ATF1: variants seen among roughly 807,000 people sequenced by gnomAD.
The protein encoded by ATF1 is cyclic AMP-dependent transcription factor ATF-1.
Under a neutral mutation model 34.7 loss-of-function variants are expected in ATF1, and 16 were observed. The ratio of observed to expected loss-of-function variants is 0.46; its 90% CI spans 0.31 to 0.70. The LOEUF (loss-of-function observed/expected upper bound fraction) is 0.70. Among genes scored for constraint, ATF1 ranks in the 30% least tolerant of loss-of-function variants. The pLI, the probability that ATF1 is intolerant of heterozygous loss-of-function variation, is 0.05. For missense variants in ATF1, 255 were observed against 321.6 expected (o/e 0.79, Z 1.58); for synonymous variants, 105 against 113.1 (o/e 0.93, Z 0.46).
At chr12:50,773,728 T>A (rs919437081) in intron 1 of ATF1, among the ~76,000 whole-genome samples, 2 of 152,062 alleles carry the variant, frequency 1.3e-5, no homozygotes, top group African/African-American at 4.8e-5. Context: ...TAGCTGGGAC[T>A]ACAGGTGCCC....
At position 50,795,461 on chromosome 12, in the gene ATF1, T is replaced by A. The variant is rs7303506; in HGVS notation, c.94-448T>A. Reference sequence around the variant, plus strand: ...AAAATTTATGTATCTAGCCCAGACCTCTTCCCAGACCTACAGGCTTGTATA... The same window carrying A: ...AAAATTTATGTATCTAGCCCAGACCACTTCCCAGACCTACAGGCTTGTATA... On this transcript the variant is annotated intron_variant, in intron 2 of 6. Transcript: ENST00000262053. 9.6e-3 allele frequency among the ~76,000 whole-genome samples: 1,455 copies of A among 152,302 alleles called. 22 individuals are homozygous for A. The highest frequency in any genetic ancestry group is 0.033 in the African/African-American group (1,390 of 41,566).
At chr12:50,817,675 T>A (rs1050947799) in intron 6 of ATF1, among the ~76,000 whole-genome samples, 1 of 152,132 alleles carries the variant, frequency 6.6e-6, no homozygotes, top group Non-Finnish European at 1.5e-5. Flanking sequence ...TAAAGAAACT[T>A]AAAAATAAGT....
chr12:50,770,320 A>T (rs1565898019), intron 1 of ATF1, among the ~76,000 whole-genome samples: 1 of 152,200 alleles, frequency 6.6e-6, no homozygotes, highest in Non-Finnish European at 1.5e-5. Context: ...TGTAGAGCCA[A>T]TAAAAGCCCT....
intron 2 of ATF1, among the ~76,000 whole-genome samples, chr12:50,784,236 T>C (rs1941135220): frequency 6.6e-6 from 1 of 152,132 alleles, no homozygotes; most frequent in Admixed American, 6.6e-5. Flanking sequence ...GATATAGCAG[T>C]GAACAAAATT....
intron 2 of ATF1, among the ~76,000 whole-genome samples, chr12:50,787,548 C>T (rs1941209963): frequency 6.6e-6 from 1 of 151,500 alleles, no homozygotes; most frequent in Admixed American, 6.6e-5. Context: ...GCCTGGGCAA[C>T]ATGGCAAGCC....
chr12:50,807,391 G>A (rs528624515), intron 3 of ATF1, among the ~76,000 whole-genome samples: 5 of 152,076 alleles, frequency 3.3e-5, no homozygotes, highest in Admixed American at 2.0e-4. Context: ...GCAACAGAGT[G>A]AGGCTCTGTC....
intron 1 of ATF1, among the ~76,000 whole-genome samples, chr12:50,769,401 G>A (rs779024447): frequency 6.6e-6 from 1 of 152,014 alleles, no homozygotes; most frequent in Non-Finnish European, 1.5e-5. Context: ...AGCTACTCGA[G>A]GCTGAGGCAG....
At position 50,818,580 on chromosome 12, in the gene ATF1, G is replaced by A. The variant is rs537720584; in HGVS notation, c.672-1055G>A. On this transcript the variant is annotated intron_variant, in intron 6 of 6. Transcript: ENST00000262053. Reference sequence around the variant, plus strand: ...GTTGCAAATAGTATCTACATATATAGCATAAAAATCTTAAAATAGTACTGT... The same window carrying A: ...GTTGCAAATAGTATCTACATATATAACATAAAAATCTTAAAATAGTACTGT... Among the ~76,000 whole-genome samples, 5 of 152,176 alleles carry A rather than the reference G, an allele frequency of 3.3e-5. No homozygotes were observed. The South Asian group carries it at 1.0e-3, about 32-fold the overall frequency.
chr12:50,804,660 T>G (rs1941579501), intron 3 of ATF1, among the ~76,000 whole-genome samples: 1 of 152,076 alleles, frequency 6.6e-6, no homozygotes, highest in African/African-American at 2.4e-5. Context: ...AAAAAGAAAC[T>G]AACAGAACTG....
chr12:50,781,693 C>T (rs987507094), intron 2 of ATF1, among the ~76,000 whole-genome samples: 2 of 152,032 alleles, frequency 1.3e-5, no homozygotes, highest in Non-Finnish European at 2.9e-5. Context: ...TCAGGTGATC[C>T]ACCCACCTCA....
At chr12:50,813,883 C>T in intron 4 of ATF1, 127 bp from the exon 5 acceptor site, 1 of 824,140 alleles carries the variant, frequency 1.2e-6, no homozygotes, top group Non-Finnish European at 1.9e-6. Context: ...GTAAAGTAGT[C>T]TGCAGTTACC....
At chr12:50,765,843 T>C (rs1940619903) in intron 1 of ATF1, among the ~76,000 whole-genome samples, 1 of 152,194 alleles carries the variant, frequency 6.6e-6, no homozygotes, top group Non-Finnish European at 1.5e-5. Flanking sequence ...CCCTATATGG[T>C]CTAAAAAGGG....
At chr12:50,819,225 C>T (rs1008231476) in intron 6 of ATF1, among the ~76,000 whole-genome samples, 6 of 152,208 alleles carry the variant, frequency 3.9e-5, no homozygotes, top group Non-Finnish European at 8.8e-5. Context: ...TGTGAAGGAA[C>T]AAACCCCCAT....
chr12:50,818,314 A>G (rs1941883573), intron 6 of ATF1, among the ~76,000 whole-genome samples: 1 of 152,136 alleles, frequency 6.6e-6, no homozygotes, highest in Non-Finnish European at 1.5e-5. Context: ...TGAGAGGCTG[A>G]AGTGGGGATA....
chr12:50,770,591 A>G (rs1266669008), intron 1 of ATF1, among the ~76,000 whole-genome samples: 1 of 152,244 alleles, frequency 6.6e-6, no homozygotes, highest in Non-Finnish European at 1.5e-5. Flanking sequence ...GTGAAAAATT[A>G]TTATTCTTGC....
At chr12:50,811,630 G>GAAAA (rs11464441) in intron 4 of ATF1, among the ~76,000 whole-genome samples, 4 of 72,926 alleles carry the variant, frequency 5.5e-5, no homozygotes. Context: ...GAAAAATGAA[G>GAAAA]AAAAAAAAAA....
intron 2 of ATF1, among the ~76,000 whole-genome samples, chr12:50,783,802 G>A (rs1448665029): frequency 6.6e-6 from 1 of 150,836 alleles, no homozygotes; most frequent in Non-Finnish European, 1.5e-5. Context: ...GGGAGGTGGA[G>A]GTTGCAGTGA....
Position 50,819,929 on chromosome 12 carries a change from C to A in ATF1, c.*150C>A. The A allele has an allele frequency of 1.6e-6, 1 of 640,960 alleles. No homozygotes were observed. 39.7% of individuals were successfully genotyped at this position (640,960 alleles called of 1,614,324 possible). On this transcript the variant is annotated 3_prime_UTR_variant, in exon 7 of 7. Coordinates refer to ENST00000262053, the MANE Select transcript of ATF1 (RefSeq NM_005171.5). ...ATATCTTACGCACGATATCTAGTGA[C>A]AGAGGAGAAAGTGGAAAATGACCTC...
At chr12:50,816,148 A>AACAT (rs1323296178) in intron 6 of ATF1, among the ~76,000 whole-genome samples, 4 of 152,060 alleles carry the variant, frequency 2.6e-5, no homozygotes, top group African/African-American at 9.7e-5. Flanking sequence ...AAGCCTGGGC[A>AACAT]ACATACCCAT....
Sources: allele counts gnomAD v4.1 joint callset (sites outside exome capture counted in the v4.1 genomes callset), GRCh38; gene constraint gnomAD v4.1.1; transcripts MANE v1.5; gene names NCBI Gene and HGNC (gene_info 2026-07-23, HGNC 2026-07-21).